Variants in CFAP74 observed in about 807,000 individuals in gnomAD.
CFAP74 encodes cilia and flagella associated protein 74.
A neutral mutation model predicts 188.9 loss-of-function variants in CFAP74; 124 were observed. The ratio of observed to expected loss-of-function variants is 0.66; its 90% CI spans 0.57 to 0.76. The LOEUF (loss-of-function observed/expected upper bound fraction) is 0.76, where lower values mean the gene tolerates loss of function less well. Ranked by LOEUF, CFAP74 falls within the 30% of genes least tolerant of loss-of-function variation. The probability of loss-of-function intolerance (pLI) is 0.00; values close to 1 mark genes in which losing one functional copy is unlikely to be tolerated. For synonymous variants in CFAP74, 956 were observed against 916.7 expected (o/e 1.04, Z -0.77); for missense variants, 2,198 against 2,165.2 (o/e 1.02, Z -0.30).
intron 18 of CFAP74, among the ~76,000 whole-genome samples, chr1:1,950,575 G>A (rs758273791): frequency 3.3e-5 from 5 of 152,062 alleles, no homozygotes; most frequent in Admixed American, 6.6e-5. Context: ...CCTGACCTCA[G>A]GTGATCTGCT....
intron 1 of CFAP74, among the ~76,000 whole-genome samples, chr1:1,992,845 T>C (rs1365474587): frequency 1.3e-5 from 2 of 152,144 alleles, no homozygotes; most frequent in African/African-American, 4.8e-5. Flanking sequence ...GTTAGGAGCT[T>C]GCTCGTGTGG....
intron 6 of CFAP74, chr1:1,984,247 G>A (rs1657094665): frequency 6.6e-6 from 1 of 151,988 alleles, no homozygotes; most frequent in Admixed American, 6.6e-5. Context: ...ACCAGCCTGG[G>A]CCTCCCAAAG....
chr1:1,987,184 GC>G (rs1245149716), intron 4 of CFAP74, 149 bp from the exon 5 acceptor site: 1 of 599,086 alleles, frequency 1.7e-6, no homozygotes, highest in Non-Finnish European at 2.9e-6. Context: ...ACACCTTCAA[GC>G]CACACAAGCA....
intron 23 of CFAP74, 126 bp downstream of exon 23, chr1:1,940,190 C>A: frequency 1.3e-6 from 1 of 759,404 alleles, no homozygotes; most frequent in South Asian, 1.6e-5. Context: ...CGCTAGACGC[C>A]TCCTGGAAGG....
rs1653145550 is a variant in CFAP74, at chr1:1,938,876, G to A, written c.2990C>T (p.Thr997Ile). Residue 997 changes from threonine (T) to isoleucine (I), a missense_variant, in exon 25 of 39, where the codon ACC becomes ATC. Physicochemically the swap from Thr to Ile is moderately conservative, Grantham distance 89. Coordinates refer to ENST00000682832, the MANE Select transcript of CFAP74 (RefSeq NM_001304360.2). ...TCACCGGTTGATCTCAGACTTGCAG[G>A]TCAGTTGGAATCTGTGTTCCTCGGC... ...TKAEEHRFQL[T>I]CKSEINRCFK... is the part of the protein sequence containing the mutation. The A allele has an allele frequency of 1.3e-6, 2 of 1,536,052 alleles. No individual in the cohort carries two copies.
At chr1:1,938,556 G>A (rs1168300997) in intron 25 of CFAP74, among the ~76,000 whole-genome samples, 4 of 151,484 alleles carry the variant, frequency 2.6e-5, no homozygotes, top group South Asian at 2.1e-4. Context: ...GCGCACACAC[G>A]TTCACACACA....
chr1:1,937,196 A>G (rs565299678), intron 25 of CFAP74, among the ~76,000 whole-genome samples: 1 of 152,382 alleles, frequency 6.6e-6, no homozygotes, highest in South Asian at 2.1e-4. Flanking sequence ...TGGGCACCAA[A>G]GGCGGCTGAG....
rs565215772 is a variant in CFAP74 at position 1,922,908 on chromosome 1, C to T, written c.4683+77G>A. ...GGACAAGCCCAGTGAGGGGCAAGGCCAGGAGGGTCAGGGCTGCCCAGGGCA... is the reference window on the plus strand; with the variant it reads ...GGACAAGCCCAGTGAGGGGCAAGGCTAGGAGGGTCAGGGCTGCCCAGGGCA... On this transcript the variant is annotated intron_variant, in intron 37 of 38. Transcript: ENST00000682832. 4.6e-5 allele frequency: 70 copies of T among 1,511,162 alleles called. No individual in the cohort carries two copies. In the South Asian group the frequency reaches 8.8e-4, roughly 19 times the overall value. 93.6% of individuals were successfully genotyped at this position (1,511,162 alleles called of 1,614,324 possible).
chr1:1,981,607 A>C (rs13303194), intron 6 of CFAP74, among the ~76,000 whole-genome samples: 291 of 28,208 alleles, frequency 0.01, no homozygotes, highest in East Asian at 0.018. Context: ...CGCAGGACAC[A>C]CAGCCGCGGA....
intron 25 of CFAP74, among the ~76,000 whole-genome samples, chr1:1,933,425 C>T (rs536588011): frequency 1.2e-4 from 17 of 147,238 alleles, no homozygotes; most frequent in South Asian, 6.5e-4. Context: ...GGTGATCCGC[C>T]CGCCTCGGCC....
intron 14 of CFAP74, among the ~76,000 whole-genome samples, chr1:1,962,438 T>A (rs186167750): frequency 5.2e-5 from 7 of 133,572 alleles, no homozygotes; most frequent in African/African-American, 2.0e-4. Context: ...ATTGTGCCAC[T>A]ATACTCCAGC....
chr1:1,951,041 C>T (rs78814286), intron 18 of CFAP74, among the ~76,000 whole-genome samples: 11,136 of 152,028 alleles, frequency 0.073, 569 homozygotes, highest in South Asian at 0.19. Context: ...GTCTGTTTCA[C>T]CCTGCTATAA....
At chr1:1,948,142 A>G (rs1653904853) in intron 18 of CFAP74, among the ~76,000 whole-genome samples, 1 of 152,074 alleles carries the variant, frequency 6.6e-6, no homozygotes, top group African/African-American at 2.4e-5. Flanking sequence ...AAGTGCTGGG[A>G]TTACAGGCGT....
At chr1:1,996,449 G>A (rs941685289) in intron 1 of CFAP74, among the ~76,000 whole-genome samples, 11 of 152,136 alleles carry the variant, frequency 7.2e-5, no homozygotes, top group African/African-American at 2.2e-4. Flanking sequence ...CATTCTAACC[G>A]CATGTTCAAT....
At position 1,965,727 on chromosome 1, in the gene CFAP74, G is replaced by C. The variant is rs556401528; in HGVS notation, c.1401+644C>G. ...TCCCTTGGGTGTCCCCAGTGGGCAGGTGGTGGCTCTGCCTGGCCTGTCTTG... is the reference window on the plus strand; with the variant it reads ...TCCCTTGGGTGTCCCCAGTGGGCAGCTGGTGGCTCTGCCTGGCCTGTCTTG... On this transcript the variant is annotated intron_variant, in intron 12 of 38. Transcript: ENST00000682832. 2.0e-5 allele frequency among the ~76,000 whole-genome samples: 3 copies of C among 152,346 alleles called. No homozygotes were observed. In the East Asian group the frequency reaches 5.8e-4, roughly 29 times the overall value.
intron 33 of CFAP74, 82 bp from the exon 34 acceptor site, chr1:1,924,602 T>C: frequency 6.7e-7 from 1 of 1,482,188 alleles, no homozygotes; most frequent in Non-Finnish European, 9.1e-7. Flanking sequence ...AGGACTTGGC[T>C]GGTGCTATGA....
At chr1:1,933,654 A>G (rs1331201934) in intron 25 of CFAP74, among the ~76,000 whole-genome samples, 1 of 151,982 alleles carries the variant, frequency 6.6e-6, no homozygotes, top group Non-Finnish European at 1.5e-5. Flanking sequence ...CCTGATATTG[A>G]TGGTTTGTGT....
chr1:2,002,349 A>T (rs939443139), intron 1 of CFAP74, among the ~76,000 whole-genome samples: 4 of 151,420 alleles, frequency 2.6e-5, no homozygotes, highest in African/African-American at 7.3e-5. Context: ...CATATTCTTT[A>T]AAATTTTATA....
Position 1,923,589 on chromosome 1 carries a change from A to G in CFAP74, c.4390-90T>C. Reference sequence around the variant, plus strand: ...GCTGGGCTGGCTCAGGGAAGGAAGCAGGGACGGCCTGGGGGCCCCGTGGGG... The same window carrying G: ...GCTGGGCTGGCTCAGGGAAGGAAGCGGGGACGGCCTGGGGGCCCCGTGGGG... On this transcript the variant is annotated intron_variant, in intron 35 of 38. Transcript: ENST00000682832. The surrounding 1 kb of genome is among the most constrained non-coding windows in gnomAD (Gnocchi z 6.3). 6.4e-7 allele frequency: 1 copy of G among 1,553,844 alleles called. No homozygotes were observed.
Sources: allele counts gnomAD v4.1 joint callset (sites outside exome capture counted in the v4.1 genomes callset), GRCh38; gene constraint gnomAD v4.1.1; non-coding constraint Gnocchi (gnomAD v3.1); transcripts MANE v1.5; gene names NCBI Gene and HGNC (gene_info 2026-07-23, HGNC 2026-07-21).